Variants in SVOP observed in about 807,000 individuals in gnomAD.
SVOP encodes SV2 related protein.
In SVOP, 17 loss-of-function variants were observed where a neutral mutation model predicts 69.1. That is an observed-to-expected ratio of 0.25 (90% CI 0.17 to 0.37). The LOEUF is 0.37. SVOP is among the 10% of genes least tolerant of loss of function. The probability of loss-of-function intolerance (pLI) is 1.00; values close to 1 mark genes in which losing one functional copy is unlikely to be tolerated. For synonymous variants in SVOP, 238 were observed against 238.6 expected, an observed-to-expected ratio of 1.00 and a Z score of 0.02; for missense variants, 435 against 597.5, an observed-to-expected ratio of 0.73 and a Z score of 2.84.
intron 5 of SVOP, among the ~76,000 whole-genome samples, chr12:108,968,730 T>C (rs2040060755): frequency 1.5e-5 from 2 of 135,368 alleles, no homozygotes; most frequent in African/African-American, 5.4e-5. Flanking sequence ...TGTGTGTGTG[T>C]GCATGTTTGT....
intron 4 of SVOP, among the ~76,000 whole-genome samples, chr12:108,975,278 A>T (rs1201979613): frequency 1.3e-5 from 2 of 152,226 alleles, no homozygotes; most frequent in Admixed American, 1.3e-4. Flanking sequence ...AAAAATGTGC[A>T]TCTGTAATAT....
intron 15 of SVOP, among the ~76,000 whole-genome samples, chr12:108,913,322 AAGTGCTGGGATTGCAGGCATGAGCCAAC>A (rs1196697293): frequency 6.6e-6 from 1 of 152,160 alleles, no homozygotes; most frequent in Non-Finnish European, 1.5e-5. Context: ...TGGCCTCCCA[AAGTGCTGGGATTGCAGGCATGAGCCAAC>A]ACGCCCAGCC....
At position 109,005,846 on chromosome 12, in the gene SVOP, G is replaced by A. The variant is rs538427976; in HGVS notation, c.35+14988C>T. Among the ~76,000 whole-genome samples the A allele has an allele frequency of 3.3e-5, 5 of 152,290 alleles. No homozygotes were observed. In the South Asian group the frequency reaches 1.0e-3, roughly 32 times the overall value. On this transcript the variant is annotated intron_variant, in intron 1 of 15. Transcript: ENST00000610966. ...GGCCTGGAGGTGGGACCAGGGAACA[G>A]AGGTCAGAGAGACAGCTGGGATCAC...
chr12:108,919,690 A>G lies in SVOP; in HGVS notation c.1253T>C (p.Phe418Ser). The G allele has an allele frequency of 6.2e-7, 1 of 1,604,486 alleles. No homozygotes were observed. Among genetic ancestry groups the G allele is most frequent in the Non-Finnish European group, 8.5e-7 (1 of 1,175,450 alleles). ...VIFSFCSLLL[F>S]ICVGRNVLTL... ...GATCACCTACCTTCCAACACAGATA[A>G]ACAGCAGGAGGCTGCAGAAGGAGAA... is the stretch of plus-strand genomic sequence containing the variant. The change falls in exon 13 of 16, where the codon TTT (phenylalanine) becomes TCT (serine). Residue 418 changes from phenylalanine (F) to serine (S), a missense_variant. By Grantham distance (155) the Phe-to-Ser change is radical. Transcript: ENST00000610966.
At chr12:108,969,328 C>T (rs954792409) in intron 5 of SVOP, among the ~76,000 whole-genome samples, 1 of 149,624 alleles carries the variant, frequency 6.7e-6, no homozygotes, top group African/African-American at 2.5e-5. Context: ...TTCCTCCCCC[C>T]TCCCTTCCTA....
At chr12:108,913,148 C>G (rs184390993) in intron 15 of SVOP, among the ~76,000 whole-genome samples, 1 of 151,692 alleles carries the variant, frequency 6.6e-6, no homozygotes, top group Non-Finnish European at 1.5e-5. Flanking sequence ...CTTGGCTCAC[C>G]GCAACCTCCG....
Position 108,978,625 on chromosome 12 carries a change from A to G in SVOP, c.235T>C (p.Phe79Leu), listed in dbSNP as rs1566061581. Residue 79 changes from phenylalanine to leucine, a missense_variant, in exon 3 of 16, where the codon TTT (phenylalanine) becomes CTT (leucine). Physicochemically the swap from Phe to Leu is conservative, Grantham distance 22. Transcript: ENST00000610966. ...MVEDAVEAIG[F>L]GKFQWKLSVL... ...GACAGCTTCCACTGAAATTTTCCAA[A>G]GCCAATGGCTTCCACTGCATCTTCC... 2 of 703,964 alleles carry G rather than the reference A, an allele frequency of 2.8e-6. No individual in the cohort carries two copies. The highest frequency in any genetic ancestry group is 5.2e-6 in the Non-Finnish European group (2 of 384,988). The allele number at this position is 703,964 out of a possible 1,614,324, so 43.6% of individuals were successfully genotyped here. A position where few individuals can be genotyped will look rare whatever the true frequency, so the allele number is the denominator to read the frequency against.
In SVOP at chr12:108,912,666, A is replaced by G. The variant is rs746451516; in HGVS notation, c.1516T>C (p.Cys506Arg). The G allele has an allele frequency of 1.9e-6, 3 of 1,614,014 alleles. No homozygotes were observed. Among genetic ancestry groups the G allele is most frequent in the South Asian group, 1.1e-5 (1 of 91,088 alleles). ...GCCLLAALAS[C>R]FLPIETKGRG... ...CCTTTGGTCTCAATGGGCAAAAAGC[A>G]GGAGGCCAGGGCAGCCAGGAGGCAG... The change falls in exon 16 of 16, where the codon TGC becomes CGC. Residue 506 changes from cysteine to arginine, a missense_variant. By Grantham distance (180) the Cys-to-Arg change is radical. Coordinates refer to ENST00000610966, the MANE Select transcript of SVOP (RefSeq NM_018711.5).
rs547937201 is a variant in SVOP at position 108,942,823 on chromosome 12, G to A, written c.643-1914C>T. On this transcript the variant is annotated intron_variant, in intron 7 of 15. Transcript: ENST00000610966. ...TCTGTTGCCCAGGCTGGAGTTCAGT[G>A]GTGCAATCTCGGCTCAGTGCAACCT... is the stretch of plus-strand genomic sequence containing the variant. Among the ~76,000 whole-genome samples the A allele has an allele frequency of 2.4e-3, 366 of 152,330 alleles. 7 individuals are homozygous for A. Among genetic ancestry groups the A allele is most frequent in the African/African-American group, 8.5e-3 (354 of 41,566 alleles).
chr12:109,000,469 G>A (rs1448875861), intron 1 of SVOP, among the ~76,000 whole-genome samples: 99 of 76,180 alleles, frequency 1.3e-3, no homozygotes, highest in Non-Finnish European at 2.1e-3. Flanking sequence ...TATGAGGCCA[G>A]CATCATTCTG....
chr12:108,993,498 G>A (rs1429097516), intron 1 of SVOP, among the ~76,000 whole-genome samples: 2 of 152,276 alleles, frequency 1.3e-5, no homozygotes, highest in South Asian at 2.1e-4. Context: ...CAAAGGTGCT[G>A]CTGGGATCAC....
chr12:109,016,965 A>C (rs1315861104), intron 1 of SVOP, among the ~76,000 whole-genome samples: 1 of 152,126 alleles, frequency 6.6e-6, no homozygotes, highest in African/African-American at 2.4e-5. Context: ...CCAGGCTTGC[A>C]GTAGTTCTTG....
At chr12:108,933,993 C>A (rs2039840020) in intron 11 of SVOP, among the ~76,000 whole-genome samples, 1 of 152,190 alleles carries the variant, frequency 6.6e-6, no homozygotes, top group Non-Finnish European at 1.5e-5. Context: ...AGAGCCCAAA[C>A]CCTGACATAA....
At chr12:108,920,596 T>TC (rs1460354281) in intron 12 of SVOP, among the ~76,000 whole-genome samples, 1 of 145,006 alleles carries the variant, frequency 6.9e-6, no homozygotes, top group Non-Finnish European at 1.5e-5. Flanking sequence ...TTTTACATCT[T>TC]TTTTTTTTTT....
intron 1 of SVOP, among the ~76,000 whole-genome samples, chr12:108,999,975 A>G (rs796499306): frequency 0.011 from 1,669 of 151,048 alleles, 16 homozygotes; most frequent in South Asian, 0.028. Context: ...AGCAGAACTG[A>G]AGGAAATAGA....
chr12:108,919,758 G>T lies in SVOP; in HGVS notation c.1185C>A (p.Asp395Glu), dbSNP rs767916034. 1.6e-5 allele frequency: 26 copies of T among 1,602,556 alleles called. No individual in the cohort carries two copies. The highest frequency in any genetic ancestry group is 1.4e-4 in the Admixed American group (8 of 58,304). Residue 395 changes from aspartate to glutamate, a missense_variant, in exon 13 of 16, where the codon GAC becomes GAA. By Grantham distance (45) the Asp-to-Glu change is conservative. Transcript: ENST00000610966. The stretch of plus-strand genomic sequence containing the variant: ...CCATGGTCTTCTTGCGCCCCAGGCG[G>T]TCAATAATCCACAGAGTCACAAGGA... ...PGVLVTLWII[D>E]RLGRKKTMAL...
intron 1 of SVOP, among the ~76,000 whole-genome samples, chr12:108,998,656 T>A (rs2040250372): frequency 6.6e-6 from 1 of 152,098 alleles, no homozygotes; most frequent in Admixed American, 6.6e-5. Flanking sequence ...GGGCCAATAT[T>A]CAACATTCTT....
chr12:108,997,551 A>C (rs896378409), intron 1 of SVOP, among the ~76,000 whole-genome samples: 1 of 152,120 alleles, frequency 6.6e-6, no homozygotes, highest in Non-Finnish European at 1.5e-5. Context: ...CTGCAGACTT[A>C]AATGTCCCTG....
chr12:108,979,518 C>T lies in SVOP; in HGVS notation c.197-855G>A, dbSNP rs530508315. On this transcript the variant is annotated intron_variant, in intron 2 of 15. Coordinates refer to ENST00000610966, the MANE Select transcript of SVOP (RefSeq NM_018711.5). Reference sequence around the variant, plus strand: ...CAGCCCCTCAAAGTGTTAGGATTACCGATGTGAGCCACCATGCCCGGCCTG... The same window carrying T: ...CAGCCCCTCAAAGTGTTAGGATTACTGATGTGAGCCACCATGCCCGGCCTG... Among the ~76,000 whole-genome samples the T allele has an allele frequency of 2.0e-5, 3 of 152,176 alleles. No homozygotes were observed. In the South Asian group the frequency reaches 6.2e-4, roughly 32 times the overall value.
Sources: gnomAD v4.1 joint callset for allele counts (sites outside exome capture counted in the v4.1 genomes callset) on GRCh38, gnomAD v4.1.1 for gene constraint, MANE v1.5 for transcripts, NCBI Gene and HGNC (gene_info 2026-07-23, HGNC 2026-07-21) for gene names.